Variants in BRINP1 observed in about 807,000 individuals in gnomAD.
BRINP1 encodes BMP/retinoic acid-inducible neural-specific protein 1.
BRINP1 carries 17 observed loss-of-function variants against 72.9 expected under a neutral mutation model. The ratio of observed to expected loss-of-function variants is 0.23; its 90% confidence interval spans 0.16 to 0.35. BRINP1 has a LOEUF of 0.35. BRINP1 is among the 10% of genes least tolerant of loss of function. The probability of loss-of-function intolerance (pLI) is 1.00; values close to 1 mark genes in which losing one functional copy is unlikely to be tolerated. For missense variants in BRINP1, 850 were observed against 1,001.6 expected (o/e 0.85, Z 2.04); for synonymous variants, 418 against 378.5 (o/e 1.10, Z -1.21).
chr9:119,349,739 G>A (rs1831487214), intron 1 of BRINP1, among the ~76,000 whole-genome samples: 1 of 152,160 alleles, frequency 6.6e-6, no homozygotes, highest in Non-Finnish European at 1.5e-5. Context: ...GGTTCGGGTT[G>A]CAGTCAGCGA....
At chr9:119,186,901 C>G (rs867690697) in intron 7 of BRINP1, among the ~76,000 whole-genome samples, 1 of 152,110 alleles carries the variant, frequency 6.6e-6, no homozygotes, top group South Asian at 2.1e-4. Context: ...AGAGTCACCA[C>G]TAAGCAGTAC....
At chr9:119,200,839 G>A (rs1226936778) in intron 7 of BRINP1, among the ~76,000 whole-genome samples, 1 of 151,688 alleles carries the variant, frequency 6.6e-6, no homozygotes. Context: ...CTACCATAGT[G>A]AAGAACAAAA....
intron 2 of BRINP1, among the ~76,000 whole-genome samples, chr9:119,299,545 G>A (rs1221071912): frequency 2.0e-5 from 3 of 151,696 alleles, no homozygotes; most frequent in Non-Finnish European, 4.4e-5. Flanking sequence ...CCTGGGAGGC[G>A]GAGGTTGCAG....
intron 7 of BRINP1, among the ~76,000 whole-genome samples, chr9:119,174,294 C>A (rs1447719179): frequency 3.3e-5 from 5 of 150,912 alleles, no homozygotes; most frequent in African/African-American, 9.9e-5. Context: ...ACCCCATCAA[C>A]AAGTGGGCGA....
chr9:119,219,646 T>TGAGAGAGAGAGA (rs57623423), intron 5 of BRINP1, among the ~76,000 whole-genome samples: 35 of 125,894 alleles, frequency 2.8e-4, no homozygotes, highest in African/African-American at 8.5e-4. Flanking sequence ...TACTGTTTAC[T>TGAGAGAGAGAGA]GAGAGAGAGA....
intron 7 of BRINP1, among the ~76,000 whole-genome samples, chr9:119,189,374 G>T (rs62568659): frequency 0.017 from 2,558 of 152,154 alleles, 34 homozygotes; most frequent in Non-Finnish European, 0.026. Context: ...ACATAGAGTG[G>T]CTGAGTAGAT....
At chr9:119,282,387 A>G (rs1374560176) in intron 2 of BRINP1, among the ~76,000 whole-genome samples, 3 of 152,224 alleles carry the variant, frequency 2.0e-5, no homozygotes, top group Non-Finnish European at 4.4e-5. Context: ...CAAAATGGGT[A>G]AGGCTTTCTG....
chr9:119,246,331 T>C (rs1374431346), intron 3 of BRINP1, among the ~76,000 whole-genome samples: 3 of 152,190 alleles, frequency 2.0e-5, no homozygotes, highest in Admixed American at 2.0e-4. Flanking sequence ...GGGTACAATC[T>C]AATCAGCTGC....
At chr9:119,213,814 GTCACTGAACTTTCCCTTGC>G in intron 6 of BRINP1, 86 bp downstream of exon 6, 1 of 956,970 alleles carries the variant, frequency 1.0e-6, no homozygotes, top group Non-Finnish European at 1.7e-6. Context: ...AAGGGTCAGG[GTCACTGAACTTTCCCTTGC>G]AGCAGTCCTA....
intron 1 of BRINP1, among the ~76,000 whole-genome samples, chr9:119,321,156 C>A (rs546390826): frequency 3.3e-5 from 5 of 152,334 alleles, no homozygotes; most frequent in Non-Finnish European, 5.9e-5. Context: ...TGGTCTCGAT[C>A]TCCAGACCTC....
At chr9:119,239,219 C>T (rs551621461) in intron 4 of BRINP1, among the ~76,000 whole-genome samples, 1 of 152,284 alleles carries the variant, frequency 6.6e-6, no homozygotes, top group Non-Finnish European at 1.5e-5. Flanking sequence ...GGTCTAAACG[C>T]CTGGCACATG....
intron 7 of BRINP1, among the ~76,000 whole-genome samples, chr9:119,169,633 C>G (rs1385716825): frequency 6.6e-6 from 1 of 152,246 alleles, no homozygotes; most frequent in Non-Finnish European, 1.5e-5. Context: ...CCCACCACAG[C>G]TCAAGGAGGC....
intron 2 of BRINP1, among the ~76,000 whole-genome samples, chr9:119,293,019 C>T (rs1024655013): frequency 6.6e-6 from 1 of 152,110 alleles, no homozygotes; most frequent in Non-Finnish European, 1.5e-5. Context: ...CTTTTTCTGT[C>T]TGAGTACATA....
intron 2 of BRINP1, among the ~76,000 whole-genome samples, chr9:119,300,956 C>T (rs1830932810): frequency 6.6e-6 from 1 of 152,212 alleles, no homozygotes; most frequent in Non-Finnish European, 1.5e-5. Context: ...TTTCTCAATG[C>T]TTTACTCGGC....
rs143422978 is a variant in BRINP1 at position 119,272,940 on chromosome 9, G to T, written c.219-23790C>A. On this transcript the variant is annotated intron_variant, in intron 2 of 7. Coordinates refer to ENST00000265922, the MANE Select transcript of BRINP1 (RefSeq NM_014618.3). ...TCTTAGACCAGAGAATGTGGGCCTG[G>T]GAGAAAGTACACATAGAATTCCTGC... Among the ~76,000 whole-genome samples, 11 of 152,214 alleles carry T rather than the reference G, an allele frequency of 7.2e-5. No homozygotes were observed. The East Asian group carries it at 2.1e-3, about 29-fold the overall frequency.
intron 5 of BRINP1, among the ~76,000 whole-genome samples, chr9:119,230,514 A>G (rs1341092828): frequency 6.6e-6 from 1 of 151,930 alleles, no homozygotes; most frequent in Non-Finnish European, 1.5e-5. Flanking sequence ...TGGAGAAGGA[A>G]TGATTCTGAT....
At chr9:119,176,826 G>T (rs557232956) in intron 7 of BRINP1, among the ~76,000 whole-genome samples, 1 of 152,158 alleles carries the variant, frequency 6.6e-6, no homozygotes, top group Admixed American at 6.5e-5. Flanking sequence ...AATGGATACT[G>T]TTGAAATGGC....
Position 119,313,211 on chromosome 9 carries a change from G to A in BRINP1, c.145C>T (p.His49Tyr). ...AAGGATAGGTAGCTCCTGGAGTGGT[G>A]GAAAGGCCCCCTGTCTGAAATGAGC... ...DWLISDRGPFHHSRSYLSFVE... is the reference protein window; with the variant it reads ...DWLISDRGPFYHSRSYLSFVE... Residue 49 changes from histidine to tyrosine, a missense_variant, in exon 2 of 8, where the codon CAC becomes TAC. His to Tyr is a moderately conservative substitution (Grantham distance 83). Transcript: ENST00000265922. 1 of 1,614,176 alleles carries A rather than the reference G, an allele frequency of 6.2e-7. No homozygotes were observed. Among genetic ancestry groups the A allele is most frequent in the Non-Finnish European group, 8.5e-7 (1 of 1,180,042 alleles).
chr9:119,231,257 G>A (rs112840783), intron 5 of BRINP1, among the ~76,000 whole-genome samples: 1 of 152,016 alleles, frequency 6.6e-6, no homozygotes, highest in Admixed American at 6.6e-5. Context: ...ACTAGCCTCT[G>A]ATCTCAGGTT....
Sources: allele counts gnomAD v4.1 joint callset (sites outside exome capture counted in the v4.1 genomes callset), GRCh38; gene constraint gnomAD v4.1.1; transcripts MANE v1.5; gene names NCBI Gene and HGNC (gene_info 2026-07-23, HGNC 2026-07-21).